PRMT2: variants seen among roughly 807,000 people sequenced by gnomAD.
PRMT2 encodes the protein protein arginine N-methyltransferase 2.
PRMT2 carries 26 observed loss-of-function variants against 57.6 expected under a neutral mutation model. The observed-to-expected ratio is 0.45, with a 90% CI of 0.33 to 0.63. The LOEUF is 0.63. Ranked by LOEUF, PRMT2 falls within the 20% of genes least tolerant of loss-of-function variation. The pLI, the probability that PRMT2 is intolerant of heterozygous loss-of-function variation, is 0.02. For missense variants in PRMT2, 472 were observed against 564.4 expected, an observed-to-expected ratio of 0.84 and a Z score of 1.66; for synonymous variants, 219 against 220.0, an observed-to-expected ratio of 1.00 and a Z score of 0.04.
intron 7 of PRMT2, chr21:46,658,498 G>C: frequency 1.9e-6 from 1 of 518,588 alleles, no homozygotes; most frequent in Admixed American, 3.9e-5. Flanking sequence ...TTTTAGCTCT[G>C]CTCCAGTTCA....
intron 8 of PRMT2, chr21:46,659,283 A>T (rs981731200): frequency 3.9e-6 from 4 of 1,018,770 alleles, no homozygotes; most frequent in Non-Finnish European, 4.7e-6. Flanking sequence ...CGTCAGCGAC[A>T]GACATCCATG....
rs745340951 is a variant in PRMT2, at chr21:46,660,802, T to G, written c.831-31T>G. 2.5e-6 allele frequency: 4 copies of G among 1,611,748 alleles called. No individual in the cohort carries two copies. The East Asian group carries it at 8.9e-5, about 36-fold the overall frequency. On this transcript the variant is annotated intron_variant, in intron 8 of 11. Transcript: ENST00000355680. ...TGAAGCCTAAGATGTTTGCAATGAC[T>G]CTCAACAGTCGCTTTGACCTTTTCC...
chr21:46,660,521 GTT>G (rs1349435071), intron 8 of PRMT2, among the ~76,000 whole-genome samples: 1 of 152,224 alleles, frequency 6.6e-6, no homozygotes, highest in African/African-American at 2.4e-5. Context: ...GTGAGCGTTG[GTT>G]TCCGTGTGCT....
At position 46,661,924 on chromosome 21, in the gene PRMT2, G is replaced by C; in HGVS notation, c.1085G>C (p.Gly362Ala). ...EGQPPQVLSTGPFHPTTHWKQ... is the reference protein window; with the variant it reads ...EGQPPQVLSTAPFHPTTHWKQ... ...CAGCCGCCGCAGGTGCTCAGCACCG[G>C]GCCCTTCCACCCGTGAGTGTGCGGG... Residue 362 changes from glycine (G) to alanine (A), a missense_variant, in exon 10 of 12, where the codon GGG becomes GCG. Physicochemically the swap from Gly to Ala is moderately conservative, Grantham distance 60. Around this residue, in one of 2 missense-constraint regions of PRMT2, gnomAD observed 229 missense variants for 217.2 expected, o/e 1.05. Transcript: ENST00000355680. The C allele has an allele frequency of 7.0e-7, 1 of 1,428,550 alleles. No homozygotes were observed. The highest frequency in any genetic ancestry group is 9.2e-7 in the Non-Finnish European group (1 of 1,081,758). 88.5% of individuals were successfully genotyped at this position (1,428,550 alleles called of 1,614,324 possible). A position where few individuals can be genotyped will look rare whatever the true frequency, so the allele number is the denominator to read the frequency against.
chr21:46,641,733 G>GTGTATACGTGTACACAGGGCTT (rs2061279371), intron 3 of PRMT2, among the ~76,000 whole-genome samples: 1 of 149,556 alleles, frequency 6.7e-6, no homozygotes, highest in African/African-American at 2.4e-5. Flanking sequence ...GTGTGTGTGT[G>GTGTATACGTGTACACAGGGCTT]TGTGTGTGTG....
At chr21:46,660,719 C>A in intron 8 of PRMT2, 114 bp from the exon 9 acceptor site, 1 of 1,367,498 alleles carries the variant, frequency 7.3e-7, no homozygotes, top group South Asian at 1.4e-5. Context: ...CAGATAGTGG[C>A]TTAGCATCCT....
intron 5 of PRMT2, 120 bp downstream of exon 5, chr21:46,644,608 C>T: frequency 2.0e-6 from 2 of 977,354 alleles, no homozygotes; most frequent in South Asian, 4.1e-5. Flanking sequence ...TCTGTTGTAG[C>T]CACTCAGCTC....
intron 5 of PRMT2, among the ~76,000 whole-genome samples, chr21:46,644,989 A>G (rs1448053206): frequency 1.3e-5 from 2 of 152,182 alleles, no homozygotes; most frequent in African/African-American, 4.8e-5. Context: ...TAATCCCTAC[A>G]CTTTGGGAGG....
Position 46,660,850 on chromosome 21 carries a change from AG to A in PRMT2, c.849del (p.Glu283AspfsTer12). ...LSALKSLAVK[E>X]FFSKPKYNHI... ...TCCCCTAGATCTTTAGCAGTTAAGGAGTTTTTTTCAAAGCCCAAGTATAACC... is the reference window on the plus strand; with the variant it reads ...TCCCCTAGATCTTTAGCAGTTAAGGATTTTTTTCAAAGCCCAAGTATAACC... On this transcript the variant is annotated frameshift_variant, in exon 9 of 12. Coordinates refer to ENST00000355680, the MANE Select transcript of PRMT2 (RefSeq NM_206962.4). LOFTEE classifies it high-confidence loss of function. 6.2e-7 allele frequency: 1 copy of A among 1,614,018 alleles called. No homozygotes were observed. The highest frequency in any genetic ancestry group is 8.5e-7 in the Non-Finnish European group (1 of 1,179,942).
Position 46,648,647 on chromosome 21 carries a change from G to A in PRMT2, c.489+28G>A. 6.2e-7 allele frequency: 1 copy of A among 1,604,960 alleles called. No homozygotes were observed. Among genetic ancestry groups the A allele is most frequent in the Non-Finnish European group, 8.5e-7 (1 of 1,172,720 alleles). On this transcript the variant is annotated intron_variant, in intron 6 of 11. Transcript: ENST00000355680. This position sits in a 1 kb window ranked among gnomAD's most constrained non-coding sequence, Gnocchi z 4.8. ...GAGTGGGGTCTCGAGCGCATCCCGG[G>A]TGTTTGTGCCGAGGCTGGTGACGTC...
At chr21:46,663,655 T>G (rs1601961021) in intron 11 of PRMT2, 101 bp downstream of exon 11, 1 of 1,232,178 alleles carries the variant, frequency 8.1e-7, no homozygotes, top group Non-Finnish European at 1.1e-6. Flanking sequence ...CACACTGGGG[T>G]CCACGCCTTT....
chr21:46,640,437 CAT>C (rs1491173457), intron 3 of PRMT2, among the ~76,000 whole-genome samples: 8 of 139,164 alleles, frequency 5.7e-5, no homozygotes, highest in African/African-American at 1.1e-4. Context: ...GTTTTGCCTA[CAT>C]TTTTTTTTTT....
intron 11 of PRMT2, 108 bp from the exon 12 acceptor site, chr21:46,664,187 C>A (rs968420630): frequency 1.1e-6 from 1 of 878,722 alleles, no homozygotes; most frequent in Non-Finnish European, 1.8e-6. Flanking sequence ...TAAAAAAATT[C>A]TGCACCTGAA....
At chr21:46,636,354 A>T (rs1392757042) in intron 1 of PRMT2, 85 bp from the exon 2 acceptor site, 1 of 152,384 alleles carries the variant, frequency 6.6e-6, no homozygotes, top group Non-Finnish European at 1.5e-5. Context: ...TATCACAAAA[A>T]TAAGCTTCAA....
rs1167890056 is a variant in PRMT2 at position 46,660,105 on chromosome 21, A to G, written c.831-728A>G. The G allele has an allele frequency of 5.1e-6, 5 of 971,666 alleles. No homozygotes were observed. In the East Asian group the frequency reaches 4.6e-4, roughly 89 times the overall value. 60.2% of individuals were successfully genotyped at this position (971,666 alleles called of 1,614,324 possible). A position where few individuals can be genotyped will look rare whatever the true frequency, so the allele number is the denominator to read the frequency against. ...TTATCAGAAAAATAAATGTGTAAATATAGTGGAATCTTTATTAAAACATTC... is the reference window on the plus strand; with the variant it reads ...TTATCAGAAAAATAAATGTGTAAATGTAGTGGAATCTTTATTAAAACATTC... On this transcript the variant is annotated intron_variant, in intron 8 of 11. Coordinates refer to ENST00000355680, the MANE Select transcript of PRMT2 (RefSeq NM_206962.4).
Position 46,643,346 on chromosome 21 carries a change from G to GA in PRMT2, c.40-185dup, listed in dbSNP as rs1406305222. On this transcript the variant is annotated intron_variant, in intron 3 of 11. Transcript: ENST00000355680. ...AGGGTCCAGATAATTTTTTTTTTTA[G>GA]AAAAGAAATGTAGAGTGAAGGTGAC... 5.3e-6 allele frequency: 6 copies of GA among 1,130,874 alleles called. No individual in the cohort carries two copies. The Admixed American group carries it at 1.7e-4, about 32-fold the overall frequency. The allele number at this position is 1,130,874 out of a possible 1,614,324, so 70.1% of individuals were successfully genotyped here.
chr21:46,637,018 CTG>C (rs2061184557), intron 3 of PRMT2, 28 bp downstream of exon 3: 2 of 1,611,010 alleles, frequency 1.2e-6, no homozygotes, highest in Admixed American at 3.3e-5. Context: ...TCCTAAAAAT[CTG>C]TGTTTAATGA....
At chr21:46,639,971 T>C (rs1260576213) in intron 3 of PRMT2, among the ~76,000 whole-genome samples, 1 of 152,240 alleles carries the variant, frequency 6.6e-6, no homozygotes, top group Non-Finnish European at 1.5e-5. Context: ...TGCCCTCTTG[T>C]GGATAAATAA....
Position 46,658,770 on chromosome 21 carries a change from T to A in PRMT2, c.680T>A (p.Leu227Gln). Residue 227 changes from leucine (L) to glutamine (Q), a missense_variant, in exon 8 of 12, where the codon CTG becomes CAG. Leu to Gln is a moderately radical substitution (Grantham distance 113). This residue lies in a region of PRMT2 where 243 missense variants were observed against 347.2 expected (regional missense o/e 0.70). Coordinates refer to ENST00000355680, the MANE Select transcript of PRMT2 (RefSeq NM_206962.4). ...TTTGAGTTCATGATCGAGTCCATCCTGTATGCCCGGGATGCCTGGCTGAAG... is the reference window on the plus strand; with the variant it reads ...TTTGAGTTCATGATCGAGTCCATCCAGTATGCCCGGGATGCCTGGCTGAAG... ...LLFEFMIESI[L>Q]YARDAWLKED... is the part of the protein sequence containing the mutation. The A allele has an allele frequency of 6.2e-7, 1 of 1,614,240 alleles. No homozygotes were observed. The highest frequency in any genetic ancestry group is 1.1e-5 in the South Asian group (1 of 91,086).
Sources: gnomAD v4.1 joint callset for allele counts (sites outside exome capture counted in the v4.1 genomes callset) on GRCh38, gnomAD v4.1.1 for gene constraint, gnomAD v4.1.1 regional missense constraint, Gnocchi (gnomAD v3.1) non-coding constraint, MANE v1.5 for transcripts, NCBI Gene and HGNC (gene_info 2026-07-23, HGNC 2026-07-21) for gene names.